Variants in GABRG3 observed in about 807,000 individuals in gnomAD.
GABRG3 encodes the protein gamma-aminobutyric acid receptor subunit gamma-3.
GABRG3 carries 25 observed loss-of-function variants against 48.8 expected under a neutral mutation model. That is an observed-to-expected ratio of 0.51 (90% CI 0.37 to 0.72). The LOEUF is 0.72. GABRG3 is among the 30% of genes least tolerant of loss of function. The pLI is 0.00. For synonymous variants in GABRG3, 227 were observed against 217.6 expected, an observed-to-expected ratio of 1.04 and a Z score of -0.38; for missense variants, 394 against 577.9, an observed-to-expected ratio of 0.68 and a Z score of 3.26.
chr15:27,338,491 T>G (rs1288859573), intron 5 of GABRG3, among the ~76,000 whole-genome samples: 2 of 152,150 alleles, frequency 1.3e-5, no homozygotes, highest in African/African-American at 4.8e-5. Flanking sequence ...TTAAGTTCAT[T>G]GCTATTAAGT....
intron 1 of GABRG3, among the ~76,000 whole-genome samples, chr15:26,973,635 G>A (rs530126133): frequency 1.1e-4 from 16 of 152,300 alleles, no homozygotes; most frequent in African/African-American, 3.6e-4. Flanking sequence ...CAGAAGGGGG[G>A]ACTCCCCATT....
chr15:27,409,845 A>T (rs1221161588), intron 5 of GABRG3, among the ~76,000 whole-genome samples: 1 of 152,106 alleles, frequency 6.6e-6, no homozygotes, highest in African/African-American at 2.4e-5. Flanking sequence ...TTTTTTACAT[A>T]GATTTTTGGG....
chr15:27,171,761 A>G (rs1887580362), intron 3 of GABRG3, among the ~76,000 whole-genome samples: 1 of 152,154 alleles, frequency 6.6e-6, no homozygotes, highest in Non-Finnish European at 1.5e-5. Context: ...TGAGCCAGGC[A>G]CTGCCTTTCT....
intron 3 of GABRG3, among the ~76,000 whole-genome samples, chr15:27,119,496 A>G (rs1028558811): frequency 2.0e-5 from 3 of 152,176 alleles, no homozygotes; most frequent in Non-Finnish European, 2.9e-5. Flanking sequence ...CTGCTGTGTA[A>G]CAGGGGAGCA....
chr15:27,239,087 G>A (rs1013301991), intron 3 of GABRG3, among the ~76,000 whole-genome samples: 22 of 152,090 alleles, frequency 1.4e-4, no homozygotes, highest in African/African-American at 5.3e-4. Context: ...AGGAAAAGGA[G>A]GACAAAGATT....
At chr15:27,117,345 C>T (rs139502415) in intron 3 of GABRG3, among the ~76,000 whole-genome samples, 16 of 151,828 alleles carry the variant, frequency 1.1e-4, no homozygotes, top group East Asian at 3.9e-4. Flanking sequence ...CCTCTGGAGC[C>T]GAACAATACT....
chr15:27,032,064 C>T (rs1194774188), intron 3 of GABRG3, among the ~76,000 whole-genome samples: 1 of 152,138 alleles, frequency 6.6e-6, no homozygotes, highest in Non-Finnish European at 1.5e-5. Flanking sequence ...CTCCCAGGTC[C>T]CACTTGCTTT....
intron 3 of GABRG3, among the ~76,000 whole-genome samples, chr15:27,143,968 C>A (rs574051963): frequency 6.6e-6 from 1 of 152,212 alleles, no homozygotes; most frequent in Non-Finnish European, 1.5e-5. Flanking sequence ...TATTTTGTTA[C>A]TTTTTGGAAG....
chr15:27,537,583 C>T lies in GABRG3; in HGVS notation c.*4702C>T, dbSNP rs188026565. ...GATCTCTATCATTATAGGGATAAAA[C>T]GTGTATGTTTTGAGATGATTTGGTA... On this transcript the variant is annotated 3_prime_UTR_variant, in exon 10 of 10. Transcript: ENST00000615808. The T allele has an allele frequency of 1.8e-4, 28 of 152,110 alleles. No individual in the cohort carries two copies. Among genetic ancestry groups the T allele is most frequent in the Admixed American group, 9.8e-4 (15 of 15,266 alleles). 9.4% of individuals were successfully genotyped at this position (152,110 alleles called of 1,614,324 possible).
intron 3 of GABRG3, among the ~76,000 whole-genome samples, chr15:27,129,502 A>C (rs547056238): frequency 1.3e-5 from 2 of 152,208 alleles, no homozygotes; most frequent in Non-Finnish European, 2.9e-5. Context: ...TAATGCTACT[A>C]TGTGTACACA....
At chr15:27,021,370 A>G (rs926830549) in intron 2 of GABRG3, among the ~76,000 whole-genome samples, 2 of 152,206 alleles carry the variant, frequency 1.3e-5, no homozygotes, top group East Asian at 3.8e-4. Flanking sequence ...GGTAAATCAC[A>G]CAGACCTGCC....
At chr15:27,458,601 T>C (rs1889357450) in intron 5 of GABRG3, among the ~76,000 whole-genome samples, 1 of 152,118 alleles carries the variant, frequency 6.6e-6, no homozygotes, top group South Asian at 2.1e-4. Flanking sequence ...GGTGGCGCCT[T>C]CGAATCAGAG....
Position 27,351,267 on chromosome 15 carries a change from GTGTT to G in GABRG3, c.574+22383_574+22386del, listed in dbSNP as rs371042458. Among the ~76,000 whole-genome samples the G allele has an allele frequency of 3.0e-3, 449 of 149,260 alleles. 2 individuals carry two copies. The highest frequency in any genetic ancestry group is 9.6e-3 in the African/African-American group (389 of 40,332). On this transcript the variant is annotated intron_variant, in intron 5 of 9. Transcript: ENST00000615808. The stretch of plus-strand genomic sequence containing the variant: ...TATGGTGTTTGTGTGTATGGTGTGT[GTGTT>G]TGTGTGTATATGTTGTGTGTATGGT...
intron 3 of GABRG3, among the ~76,000 whole-genome samples, chr15:27,083,182 G>C (rs1029108296): frequency 6.6e-6 from 1 of 152,136 alleles, no homozygotes; most frequent in African/African-American, 2.4e-5. Flanking sequence ...CAGTTTTTAT[G>C]ACTCAAATGA....
At chr15:27,173,679 G>A in intron 3 of GABRG3, among the ~76,000 whole-genome samples, 1 of 145,446 alleles carries the variant, frequency 6.9e-6, no homozygotes, top group Non-Finnish European at 1.5e-5. Flanking sequence ...AGAAGCCTGG[G>A]CAACAGAGCA....
chr15:27,063,454 G>A (rs1178280944), intron 3 of GABRG3, among the ~76,000 whole-genome samples: 1 of 152,218 alleles, frequency 6.6e-6, no homozygotes, highest in Non-Finnish European at 1.5e-5. Context: ...CCTTGCTGAT[G>A]AGTGAGCTCT....
intron 5 of GABRG3, among the ~76,000 whole-genome samples, chr15:27,436,445 T>C (rs527984528): frequency 6.6e-6 from 1 of 152,252 alleles, no homozygotes; most frequent in Non-Finnish European, 1.5e-5. Context: ...ACAGAGGAGA[T>C]GAATAAAAAG....
chr15:27,316,167 G>A (rs1178422957), intron 3 of GABRG3, among the ~76,000 whole-genome samples: 4 of 152,060 alleles, frequency 2.6e-5, no homozygotes, highest in Admixed American at 6.6e-5. Context: ...GGCGGATCAC[G>A]AGGTCAGGAA....
At chr15:27,501,035 T>G (rs951370119) in intron 6 of GABRG3, among the ~76,000 whole-genome samples, 2 of 144,950 alleles carry the variant, frequency 1.4e-5, no homozygotes, top group African/African-American at 5.2e-5. Flanking sequence ...CACTGCAAGC[T>G]CCGCCTCCCG....
Sources: allele counts gnomAD v4.1 joint callset (sites outside exome capture counted in the v4.1 genomes callset), GRCh38; gene constraint gnomAD v4.1.1; transcripts MANE v1.5; gene names NCBI Gene and HGNC (gene_info 2026-07-23, HGNC 2026-07-21).